The following DEPDC1 variants were observed in gnomAD, a reference collection of about 807,000 sequenced individuals.
DEPDC1 encodes DEP domain-containing protein 1A.
In DEPDC1, 66 loss-of-function variants were observed where a neutral mutation model predicts 86.8. The observed-to-expected ratio is 0.76, with a 90% CI of 0.62 to 0.93. The LOEUF (loss-of-function observed/expected upper bound fraction) is 0.93, where lower values mean the gene tolerates loss of function less well. Among genes scored for constraint, DEPDC1 ranks in the 40% least tolerant of loss-of-function variants. The pLI is 0.00. For missense variants in DEPDC1, 792 were observed against 935.7 expected (o/e 0.85, Z 2.00); for synonymous variants, 255 against 314.9 (o/e 0.81, Z 2.02).
intron 5 of DEPDC1, 97 bp from the exon 6 acceptor site, chr1:68,487,081 T>C: frequency 1.1e-6 from 1 of 951,634 alleles, no homozygotes; most frequent in Non-Finnish European, 1.5e-6. Context: ...TATATGTATA[T>C]ACACATACAC....
chr1:68,483,998 C>A lies in DEPDC1; in HGVS notation c.862G>T (p.Glu288Ter). 1 of 1,569,190 alleles carries A rather than the reference C, an allele frequency of 6.4e-7. No homozygotes were observed. Among genetic ancestry groups the A allele is most frequent in the South Asian group, 1.2e-5 (1 of 86,184 alleles). ...TAATATTCAAAAGTAAGTAGAGGTT[C>A]AGGGAGATCTAGAAAATAATCTGCG... is the stretch of plus-strand genomic sequence containing the variant. Reference protein sequence around the residue: ...TIADYFLDLPEPLLTFEYYEL... With the variant: ...TIADYFLDLP The change falls in exon 7 of 12, where the codon GAA (glutamate) becomes TAA (stop). Residue 288 changes from glutamate to a stop codon, truncating the protein, a stop_gained. Coordinates refer to ENST00000456315, the MANE Select transcript of DEPDC1 (RefSeq NM_001114120.3). LOFTEE classifies it high-confidence loss of function.
intron 2 of DEPDC1, among the ~76,000 whole-genome samples, chr1:68,492,329 AT>A (rs1384604769): frequency 6.6e-6 from 1 of 152,160 alleles, no homozygotes; most frequent in South Asian, 2.1e-4. Flanking sequence ...ATTTAATACA[AT>A]TTAATACTTT....
At chr1:68,477,195 T>G in intron 11 of DEPDC1, 126 bp from the exon 12 acceptor site, 1 of 685,414 alleles carries the variant, frequency 1.5e-6, no homozygotes, top group East Asian at 2.9e-5. Flanking sequence ...TATCCTTTCA[T>G]TTTATCCTTG....
chr1:68,491,589 A>T (rs540266306), intron 2 of DEPDC1, among the ~76,000 whole-genome samples: 44 of 152,072 alleles, frequency 2.9e-4, no homozygotes, highest in South Asian at 2.1e-3. Context: ...CTCCTTTTTT[A>T]AAAAAAATGA....
intron 2 of DEPDC1, among the ~76,000 whole-genome samples, chr1:68,491,334 A>C (rs912734177): frequency 1.3e-5 from 2 of 152,230 alleles, no homozygotes; most frequent in African/African-American, 4.8e-5. Context: ...ATTTAAAAGC[A>C]ACTCCATTAA....
At position 68,482,055 on chromosome 1, in the gene DEPDC1, C is replaced by T. The variant is rs1165764920; in HGVS notation, c.1753G>A (p.Gly585Ser). 6.3e-7 allele frequency: 1 copy of T among 1,585,612 alleles called. No individual in the cohort carries two copies. The change falls in exon 8 of 12, where the codon GGC (glycine) becomes AGC (serine). Residue 585 changes from glycine (G) to serine (S), a missense_variant. Gly to Ser is a moderately conservative substitution (Grantham distance 56, BLOSUM62 0). Coordinates refer to ENST00000456315, the MANE Select transcript of DEPDC1 (RefSeq NM_001114120.3). The part of the protein sequence containing the change: ...SLLPASSMLT[G>S]TQSLLQPHLE... ...AAAGCAACAGCCTTACTTTGTGTGC[C>T]AGTCAACATAGAAGAAGCTGGAAGT...
At chr1:68,478,522 G>C (rs1400125937) in intron 10 of DEPDC1, among the ~76,000 whole-genome samples, 1 of 151,402 alleles carries the variant, frequency 6.6e-6, no homozygotes, top group Admixed American at 6.6e-5. Context: ...AATTCTAGGA[G>C]ATAGTTATAA....
intron 7 of DEPDC1, chr1:68,483,170 C>G: frequency 1.9e-6 from 1 of 534,702 alleles, no homozygotes; most frequent in Middle Eastern, 5.2e-4. Context: ...AGCCAGAATA[C>G]ATTTAAAAAA....
chr1:68,480,252 C>CCA (rs72099346), intron 9 of DEPDC1, among the ~76,000 whole-genome samples: 2,486 of 145,494 alleles, frequency 0.017, 49 homozygotes, highest in African/African-American at 0.049. Context: ...TCTAACTGTA[C>CCA]CACACACACA....
chr1:68,490,736 A>G (rs11209306), intron 2 of DEPDC1, among the ~76,000 whole-genome samples: 24 of 152,274 alleles, frequency 1.6e-4, no homozygotes, highest in African/African-American at 5.3e-4. Flanking sequence ...GGCTATCCTA[A>G]GAAAAAAGAA....
intron 2 of DEPDC1, among the ~76,000 whole-genome samples, chr1:68,490,906 C>T (rs1646225216): frequency 6.6e-6 from 1 of 152,116 alleles, no homozygotes; most frequent in Admixed American, 6.6e-5. Context: ...TGATCTTCAG[C>T]AAAGCTGACA....
intron 8 of DEPDC1, 70 bp downstream of exon 8, chr1:68,481,976 A>G (rs1234697957): frequency 7.0e-7 from 1 of 1,420,868 alleles, no homozygotes; most frequent in African/African-American, 1.4e-5. Flanking sequence ...AAGAAAAGCC[A>G]GGTAAGCAAA....
chr1:68,489,751 A>G, intron 2 of DEPDC1, 143 bp from the exon 3 acceptor site: 1 of 567,292 alleles, frequency 1.8e-6, no homozygotes, highest in Non-Finnish European at 2.9e-6. Context: ...AAATTTTCCC[A>G]TTAAACCTTT....
At chr1:68,488,585 A>G (rs1394658430) in intron 4 of DEPDC1, 81 bp from the exon 5 acceptor site, 3 of 1,215,974 alleles carry the variant, frequency 2.5e-6, no homozygotes, top group African/African-American at 1.6e-5. Flanking sequence ...CAAAGCCATC[A>G]GAATATTTTA....
At chr1:68,488,832 G>GATT in intron 4 of DEPDC1, 84 bp downstream of exon 4, 1 of 917,372 alleles carries the variant, frequency 1.1e-6, no homozygotes, top group Non-Finnish European at 1.8e-6. Context: ...AATCTGTTCT[G>GATT]ATTCATTTGC....
rs1444945909 is a variant in DEPDC1 at position 68,475,188 on chromosome 1, G to A, written c.*1744C>T. ...TAATAGCACAGTAGGATTCAAACCTGACTGGCAGAGTTTGTTATTAAAGCA... is the reference window on the plus strand; with the variant it reads ...TAATAGCACAGTAGGATTCAAACCTAACTGGCAGAGTTTGTTATTAAAGCA... On this transcript the variant is annotated 3_prime_UTR_variant, in exon 12 of 12. Transcript: ENST00000456315. 2.9e-5 allele frequency: 3 copies of A among 102,890 alleles called. No homozygotes were observed. Among genetic ancestry groups the A allele is most frequent in the Non-Finnish European group, 6.7e-5 (3 of 44,878 alleles). 6.4% of individuals were successfully genotyped at this position (102,890 alleles called of 1,614,324 possible).
At chr1:68,493,218 T>C (rs1035717549) in intron 2 of DEPDC1, among the ~76,000 whole-genome samples, 1 of 152,200 alleles carries the variant, frequency 6.6e-6, no homozygotes, top group African/African-American at 2.4e-5. Flanking sequence ...ATTCATATGA[T>C]TGTTATTGTA....
intron 6 of DEPDC1, among the ~76,000 whole-genome samples, chr1:68,486,082 C>G (rs1255816945): frequency 2.0e-5 from 3 of 152,012 alleles, no homozygotes; most frequent in Non-Finnish European, 4.4e-5. Context: ...AAAGCTTGAT[C>G]AATTAAATGC....
intron 4 of DEPDC1, 44 bp downstream of exon 4, chr1:68,488,872 T>A (rs773334594): frequency 4.3e-6 from 5 of 1,151,282 alleles, no homozygotes; most frequent in Non-Finnish European, 6.5e-6. Flanking sequence ...AAATTAATAA[T>A]CAGAACACAT....
Sources: allele counts gnomAD v4.1 joint callset (sites outside exome capture counted in the v4.1 genomes callset), GRCh38; gene constraint gnomAD v4.1.1; transcripts MANE v1.5; gene names NCBI Gene and HGNC (gene_info 2026-07-23, HGNC 2026-07-21).